Variants in KIAA1328 observed in about 807,000 individuals in gnomAD.
The protein encoded by KIAA1328 is protein hinderin.
KIAA1328 carries 52 observed loss-of-function variants against 68.1 expected under a neutral mutation model. The ratio of observed to expected loss-of-function variants is 0.76; its 90% CI spans 0.61 to 0.96. The LOEUF (loss-of-function observed/expected upper bound fraction) is 0.96. Ranked by LOEUF, KIAA1328 falls within the 40% of genes least tolerant of loss-of-function variation. The pLI is 0.00. For synonymous variants in KIAA1328, 232 were observed against 239.4 expected, an observed-to-expected ratio of 0.97 and a Z score of 0.28; for missense variants, 641 against 677.6, an observed-to-expected ratio of 0.95 and a Z score of 0.60.
chr18:36,905,021 A>G (rs2049166619), intron 5 of KIAA1328, among the ~76,000 whole-genome samples: 1 of 151,806 alleles, frequency 6.6e-6, no homozygotes, highest in Middle Eastern at 3.2e-3. Context: ...ATCAAGATAC[A>G]TTTTAATTTT....
chr18:36,962,660 A>G (rs1259496742), intron 6 of KIAA1328, among the ~76,000 whole-genome samples: 3 of 152,194 alleles, frequency 2.0e-5, no homozygotes, highest in African/African-American at 7.2e-5. Context: ...TCAGGATTAA[A>G]AAACTCACTC....
intron 7 of KIAA1328, among the ~76,000 whole-genome samples, chr18:37,094,822 CTACAAGAAAG>C (rs1282120758): frequency 6.6e-6 from 1 of 151,966 alleles, no homozygotes; most frequent in African/African-American, 2.4e-5. Context: ...TATATGCAGC[CTACAAGAAAG>C]TAACTTCACC....
intron 6 of KIAA1328, among the ~76,000 whole-genome samples, chr18:37,045,111 A>G (rs1599068432): frequency 6.6e-6 from 1 of 152,174 alleles, no homozygotes. Context: ...TTTTCTCCTT[A>G]ATTCCTGAGG....
intron 7 of KIAA1328, among the ~76,000 whole-genome samples, chr18:37,110,377 G>A (rs190702113): frequency 8.5e-5 from 13 of 152,178 alleles, no homozygotes; most frequent in Admixed American, 5.2e-4. Context: ...AAAGCATCAC[G>A]TTTGCCTATA....
intron 6 of KIAA1328, among the ~76,000 whole-genome samples, chr18:36,978,375 C>G (rs2151358199): frequency 6.6e-6 from 1 of 152,256 alleles, no homozygotes; most frequent in Admixed American, 6.5e-5. Flanking sequence ...TTTGTATAAA[C>G]TGGTTAGGCA....
rs139339555 is a variant in KIAA1328 at position 36,899,318 on chromosome 18, A to G, written c.448+13646A>G. On this transcript the variant is annotated intron_variant, in intron 5 of 9. Coordinates refer to ENST00000280020, the MANE Select transcript of KIAA1328 (RefSeq NM_020776.3). ...ATTTCTGTCTTGTACACTATTGTATACTGAGATTCTAATACACTACCTTAT... is the reference window on the plus strand; with the variant it reads ...ATTTCTGTCTTGTACACTATTGTATGCTGAGATTCTAATACACTACCTTAT... 2.5e-3 allele frequency among the ~76,000 whole-genome samples: 378 copies of G among 152,066 alleles called. 1 individual carries two copies. The highest frequency in any genetic ancestry group is 4.2e-3 in the Non-Finnish European group (285 of 67,878).
At chr18:36,957,004 G>A (rs946587284) in intron 5 of KIAA1328, among the ~76,000 whole-genome samples, 2 of 152,094 alleles carry the variant, frequency 1.3e-5, no homozygotes, top group African/African-American at 4.8e-5. Flanking sequence ...CCTAATTATT[G>A]TATTCTCTAA....
chr18:36,844,951 TA>T (rs1369768122), intron 4 of KIAA1328, among the ~76,000 whole-genome samples: 1 of 151,842 alleles, frequency 6.6e-6, no homozygotes, highest in East Asian at 1.9e-4. Flanking sequence ...TAAAAGTTGA[TA>T]AAAGTTGATA....
chr18:37,022,396 AG>A (rs2054382514), intron 6 of KIAA1328, among the ~76,000 whole-genome samples: 1 of 152,188 alleles, frequency 6.6e-6, no homozygotes, highest in South Asian at 2.1e-4. Context: ...TTTAAATTTT[AG>A]AATTATGGCT....
At chr18:37,103,477 G>T (rs955080352) in intron 7 of KIAA1328, among the ~76,000 whole-genome samples, 1 of 152,108 alleles carries the variant, frequency 6.6e-6, no homozygotes, top group African/African-American at 2.4e-5. Context: ...CTAGACCCTT[G>T]TCTCTCACCA....
chr18:36,908,710 T>A (rs2049313096), intron 5 of KIAA1328, among the ~76,000 whole-genome samples: 1 of 152,174 alleles, frequency 6.6e-6, no homozygotes, highest in Non-Finnish European at 1.5e-5. Context: ...GTGACCAGTG[T>A]GAATATATTT....
intron 6 of KIAA1328, among the ~76,000 whole-genome samples, chr18:36,974,440 C>A (rs116453676): frequency 2.5e-3 from 387 of 152,254 alleles, no homozygotes; most frequent in African/African-American, 8.5e-3. Context: ...AAGATAAAAG[C>A]CTCCAGTTCC....
chr18:37,035,948 C>G (rs921906181), intron 6 of KIAA1328, among the ~76,000 whole-genome samples: 53 of 152,254 alleles, frequency 3.5e-4, no homozygotes, highest in African/African-American at 1.3e-3. Flanking sequence ...CCATTCCTTA[C>G]TACTTCTCCA....
Position 37,160,284 on chromosome 18 carries a change from G to C in KIAA1328, c.1317G>C (p.Glu439Asp). The C allele has an allele frequency of 6.2e-7, 1 of 1,613,736 alleles. No homozygotes were observed. Among genetic ancestry groups the C allele is most frequent in the South Asian group, 1.1e-5 (1 of 91,064 alleles). The change falls in exon 8 of 10, where the codon GAG becomes GAC. Residue 439 changes from glutamate to aspartate, a missense_variant. By Grantham distance (45) the Glu-to-Asp change is conservative. Coordinates refer to ENST00000280020, the MANE Select transcript of KIAA1328 (RefSeq NM_020776.3). Reference protein sequence around the residue: ...KKHQDPPNSGENRKERKTVGF... With the variant: ...KKHQDPPNSGDNRKERKTVGF... ...ACCAAGACCCCCCAAACAGTGGAGA[G>C]AATAGGAAGGAGAGGAAGACAGTTG...
At chr18:37,058,565 T>C (rs541756699) in intron 6 of KIAA1328, among the ~76,000 whole-genome samples, 1 of 151,874 alleles carries the variant, frequency 6.6e-6, no homozygotes, top group East Asian at 1.9e-4. Flanking sequence ...TACAAAAATT[T>C]AGCCAGGTAT....
chr18:36,836,284 A>T (rs990606702), intron 3 of KIAA1328, among the ~76,000 whole-genome samples: 2 of 152,192 alleles, frequency 1.3e-5, no homozygotes, highest in Admixed American at 1.3e-4. Flanking sequence ...TCTTATCAAA[A>T]AAAGTTAAAA....
intron 6 of KIAA1328, among the ~76,000 whole-genome samples, chr18:37,002,215 T>C (rs866661761): frequency 1.0e-4 from 14 of 140,296 alleles, no homozygotes; most frequent in African/African-American, 3.1e-4. Context: ...TTTCTTTTTC[T>C]TCATTTTTTT....
Position 37,067,562 on chromosome 18 carries a change from CTT to C in KIAA1328, c.1232+32_1232+33del, listed in dbSNP as rs11311186. The C allele has an allele frequency of 0.024, 31,280 of 1,299,570 alleles. 1 individual carries two copies. The highest frequency in any genetic ancestry group is 0.027 in the African/African-American group (1,650 of 60,826). The allele number at this position is 1,299,570 out of a possible 1,614,324, so 80.5% of individuals were successfully genotyped here. A position where few individuals can be genotyped will look rare whatever the true frequency, so the allele number is the denominator to read the frequency against. ...TTACAATTGGTGAGTACTGCCTGTTCTTTTTTTTTTTTTTTTGAGACGAAATC... is the reference window on the plus strand; with the variant it reads ...TTACAATTGGTGAGTACTGCCTGTTCTTTTTTTTTTTTTTGAGACGAAATC... On this transcript the variant is annotated intron_variant, in intron 7 of 9. Coordinates refer to ENST00000280020, the MANE Select transcript of KIAA1328 (RefSeq NM_020776.3).
chr18:37,012,112 C>T (rs768175014), intron 6 of KIAA1328, among the ~76,000 whole-genome samples: 11 of 152,126 alleles, frequency 7.2e-5, no homozygotes, highest in Admixed American at 2.0e-4. Context: ...AACGAAGAAG[C>T]GGGTTCTAGG....
Sources: allele counts gnomAD v4.1 joint callset (sites outside exome capture counted in the v4.1 genomes callset), GRCh38; gene constraint gnomAD v4.1.1; transcripts MANE v1.5; gene names NCBI Gene and HGNC (gene_info 2026-07-23, HGNC 2026-07-21).